Variants in SCAPER observed in about 807,000 individuals in gnomAD.
SCAPER encodes S-phase cyclin A associated protein in the ER, also known as S phase cyclin A-associated protein in the endoplasmic reticulum.
Under a neutral mutation model 182.2 loss-of-function variants are expected in SCAPER, and 98 were observed. The observed-to-expected ratio is 0.54, with a 90% CI of 0.46 to 0.64. SCAPER has a LOEUF of 0.64. Among genes scored for constraint, SCAPER ranks in the 30% least tolerant of loss-of-function variants. SCAPER has a pLI of 0.00. For missense variants in SCAPER, 1,432 were observed against 1,690.0 expected (o/e 0.85, Z 2.68); for synonymous variants, 605 against 564.6 (o/e 1.07, Z -1.01).
At chr15:76,895,644 T>G (rs771683697) in intron 1 of SCAPER, among the ~76,000 whole-genome samples, 2 of 152,120 alleles carry the variant, frequency 1.3e-5, no homozygotes, top group Non-Finnish European at 2.9e-5. Flanking sequence ...CTATTAGAAC[T>G]AATAAATTCA....
chr15:76,904,968 C>G (rs536317243), intron 1 of SCAPER, among the ~76,000 whole-genome samples: 7 of 152,332 alleles, frequency 4.6e-5, no homozygotes, highest in African/African-American at 1.7e-4. Context: ...GGCAGCCCCC[C>G]ACTCACCCCT....
At chr15:76,876,920 C>G (rs2073206314) in intron 2 of SCAPER, among the ~76,000 whole-genome samples, 1 of 152,116 alleles carries the variant, frequency 6.6e-6, no homozygotes, top group Non-Finnish European at 1.5e-5. Context: ...TATAGAAATG[C>G]TCAAAGAATA....
At chr15:76,876,031 C>T (rs1007301728) in intron 2 of SCAPER, among the ~76,000 whole-genome samples, 1 of 152,224 alleles carries the variant, frequency 6.6e-6, no homozygotes, top group Non-Finnish European at 1.5e-5. Flanking sequence ...TCGGCCGGCA[C>T]TGCTGGGGGA....
intron 24 of SCAPER, among the ~76,000 whole-genome samples, chr15:76,504,176 T>C (rs2041386590): frequency 6.6e-6 from 1 of 152,096 alleles, no homozygotes; most frequent in Non-Finnish European, 1.5e-5. Flanking sequence ...ATGTGAGCCA[T>C]TGCGCCCTGC....
At position 76,728,400 on chromosome 15, in the gene SCAPER, G is replaced by T. The variant is rs1012770938; in HGVS notation, c.2165+195C>A. Among the ~76,000 whole-genome samples, 28 of 152,028 alleles carry T rather than the reference G, an allele frequency of 1.8e-4. 1 individual carries two copies. The highest frequency in any genetic ancestry group is 6.8e-4 in the African/African-American group (28 of 41,396). ...ATATATTTTTTGATTTGAGTGTGGT[G>T]GTACACACCTGTAGTCCAAGCTACT... On this transcript the variant is annotated intron_variant, in intron 17 of 31. Transcript: ENST00000563290.
At chr15:76,525,002 A>C (rs570668272) in intron 23 of SCAPER, among the ~76,000 whole-genome samples, 6 of 152,152 alleles carry the variant, frequency 3.9e-5, no homozygotes, top group Non-Finnish European at 8.8e-5. Flanking sequence ...TACCTAAAAA[A>C]TATATAGGCA....
At chr15:76,451,702 C>G (rs2048376603) in intron 25 of SCAPER, among the ~76,000 whole-genome samples, 1 of 152,124 alleles carries the variant, frequency 6.6e-6, no homozygotes, top group African/African-American at 2.4e-5. Flanking sequence ...CTCATAAAAC[C>G]CCAAGAGGAG....
At chr15:76,631,383 G>C (rs1295999585) in intron 21 of SCAPER, among the ~76,000 whole-genome samples, 1 of 152,178 alleles carries the variant, frequency 6.6e-6, no homozygotes, top group Non-Finnish European at 1.5e-5. Context: ...GCTTCATAAT[G>C]TCACTGGTCT....
At chr15:76,722,687 TC>T (rs2060326488) in intron 17 of SCAPER, among the ~76,000 whole-genome samples, 1 of 152,226 alleles carries the variant, frequency 6.6e-6, no homozygotes, top group Admixed American at 6.5e-5. Flanking sequence ...TTTATCCATT[TC>T]TTCTAGATTT....
At chr15:76,572,911 T>TCACACA (rs67724539) in intron 23 of SCAPER, among the ~76,000 whole-genome samples, 38,773 of 107,544 alleles carry the variant, frequency 0.36, 6,389 homozygotes, top group Admixed American at 0.44. Flanking sequence ...TCTCTCTCTC[T>TCACACA]CTCTCTCTCA....
At chr15:76,899,060 T>C (rs2074596850) in intron 1 of SCAPER, among the ~76,000 whole-genome samples, 1 of 152,252 alleles carries the variant, frequency 6.6e-6, no homozygotes, top group Admixed American at 6.5e-5. Context: ...TTACGTAATT[T>C]TCTTTCAATA....
At chr15:76,384,910 A>G (rs1381059436) in intron 27 of SCAPER, among the ~76,000 whole-genome samples, 1 of 152,250 alleles carries the variant, frequency 6.6e-6, no homozygotes, top group Non-Finnish European at 1.5e-5. Flanking sequence ...AAAAAGTAAA[A>G]GGCCTTATTC....
At chr15:76,448,332 A>G (rs1415640769) in intron 25 of SCAPER, among the ~76,000 whole-genome samples, 2 of 152,150 alleles carry the variant, frequency 1.3e-5, no homozygotes, top group Non-Finnish European at 1.5e-5. Flanking sequence ...GAATAATCTA[A>G]TTGACTGCAT....
chr15:76,814,900 C>T (rs1189597605), intron 5 of SCAPER, among the ~76,000 whole-genome samples: 2 of 146,544 alleles, frequency 1.4e-5, no homozygotes, highest in African/African-American at 2.4e-5. Flanking sequence ...ATATAAGGAA[C>T]TCACACAATT....
chr15:76,778,701 T>C (rs547924402), intron 8 of SCAPER, among the ~76,000 whole-genome samples: 1 of 151,990 alleles, frequency 6.6e-6, no homozygotes, highest in Non-Finnish European at 1.5e-5. Context: ...ACCTATAGTT[T>C]AAGTATGTTT....
chr15:76,735,909 C>A (rs928767552), intron 15 of SCAPER, among the ~76,000 whole-genome samples: 1 of 152,156 alleles, frequency 6.6e-6, no homozygotes, highest in East Asian at 1.9e-4. Flanking sequence ...CCTCAAATCA[C>A]AGACAGTACC....
At chr15:76,684,997 G>A (rs202146547) in intron 20 of SCAPER, among the ~76,000 whole-genome samples, 20,364 of 151,896 alleles carry the variant, frequency 0.13, 1,401 homozygotes, top group African/African-American at 0.17. Context: ...TGCTATAGTA[G>A]TGAACAGAAT....
intron 23 of SCAPER, among the ~76,000 whole-genome samples, chr15:76,524,558 T>C (rs1260740527): frequency 6.6e-6 from 1 of 152,098 alleles, no homozygotes; most frequent in African/African-American, 2.4e-5. Flanking sequence ...CTGCATATTT[T>C]TGACTCTATA....
intron 1 of SCAPER, among the ~76,000 whole-genome samples, chr15:76,893,233 A>G (rs1234562037): frequency 6.6e-6 from 1 of 152,156 alleles, no homozygotes; most frequent in Non-Finnish European, 1.5e-5. Context: ...GTAAATGACA[A>G]GTTGATGGGT....
Sources: allele counts gnomAD v4.1 joint callset (sites outside exome capture counted in the v4.1 genomes callset), GRCh38; gene constraint gnomAD v4.1.1; transcripts MANE v1.5; gene names NCBI Gene and HGNC (gene_info 2026-07-23, HGNC 2026-07-21).